FANCL: variants seen among roughly 807,000 people sequenced by gnomAD.
FANCL encodes FA complementation group L.
In FANCL, 69 loss-of-function variants were observed where a neutral mutation model predicts 59.4. The observed-to-expected ratio is 1.16, with a 90% CI of 0.96 to 1.42. FANCL has a LOEUF of 1.42. Ranked by LOEUF, FANCL falls within the 40% of genes most tolerant of loss-of-function variation. The pLI is 0.00. For synonymous variants in FANCL, 180 were observed against 147.1 expected (o/e 1.22, Z -1.62); for missense variants, 519 against 447.2 (o/e 1.16, Z -1.45).
chr2:58,217,189 TA>T (rs1438991148), intron 5 of FANCL, among the ~76,000 whole-genome samples: 15 of 4,250 alleles, frequency 3.5e-3, no homozygotes, highest in African/African-American at 0.02. Context: ...TATATATATA[TA>T]TATATATATA....
chr2:58,165,211 A>T (rs1333241738), intron 8 of FANCL, among the ~76,000 whole-genome samples: 1 of 152,104 alleles, frequency 6.6e-6, no homozygotes, highest in Non-Finnish European at 1.5e-5. Flanking sequence ...CTCATTCATA[A>T]ATTTCATATA....
At chr2:58,159,837 A>T (rs536835374) in intron 13 of FANCL, 37 bp from the exon 14 acceptor site, 4 of 1,609,326 alleles carry the variant, frequency 2.5e-6, no homozygotes, top group Non-Finnish European at 3.4e-6. Flanking sequence ...AAGTTTGTGG[A>T]CACTCTAAAA....
At position 58,165,863 on chromosome 2, in the gene FANCL, T is replaced by TA. The variant is rs779490254; in HGVS notation, c.551dup (p.Ser185LysfsTer4). 1 of 1,613,862 alleles carries TA rather than the reference T, an allele frequency of 6.2e-7. No individual in the cohort carries two copies. The stretch of plus-strand genomic sequence containing the variant: ...CTGCCAAAAACTGACTATAAATGCT[T>TA]ATTAAGGAGCTCTGTGAAAAAAATG... On this transcript the variant is annotated frameshift_variant, in exon 8 of 14. Coordinates refer to ENST00000233741, the MANE Select transcript of FANCL (RefSeq NM_018062.4). LOFTEE classifies it high-confidence loss of function.
rs374687261 is a variant in FANCL, at chr2:58,172,800, G to A, written c.541-6926C>T. On this transcript the variant is annotated intron_variant, in intron 7 of 13. Transcript: ENST00000233741. ...AAGCTGGACAGAGAATGACTTTGACGAGTTGAGAGAAGAAGGCTTCAGACC... is the reference window on the plus strand; with the variant it reads ...AAGCTGGACAGAGAATGACTTTGACAAGTTGAGAGAAGAAGGCTTCAGACC... Among the ~76,000 whole-genome samples, 20 of 152,318 alleles carry A rather than the reference G, an allele frequency of 1.3e-4. No individual in the cohort carries two copies. The East Asian group carries it at 1.4e-3, about 10-fold the overall frequency.
chr2:58,232,135 T>G, intron 1 of FANCL, 23 bp from the exon 2 acceptor site: 2 of 1,600,514 alleles, frequency 1.2e-6, no homozygotes, highest in South Asian at 2.2e-5. Flanking sequence ...TTGAAAAGGA[T>G]CACTCAAATT....
intron 4 of FANCL, 111 bp from the exon 5 acceptor site, chr2:58,222,153 C>T: frequency 1.3e-6 from 1 of 751,226 alleles, no homozygotes; most frequent in Non-Finnish European, 2.2e-6. Context: ...ATAAAAGTGC[C>T]TGTTTTTTTA....
intron 5 of FANCL, among the ~76,000 whole-genome samples, chr2:58,221,259 TATAATACACTTA>T (rs2103739097): frequency 6.6e-6 from 1 of 152,180 alleles, no homozygotes; most frequent in South Asian, 2.1e-4. Flanking sequence ...GTAGAAAGGT[TATAATACACTTA>T]ATAATAAATG....
intron 7 of FANCL, among the ~76,000 whole-genome samples, chr2:58,170,140 G>C (rs989877358): frequency 6.6e-6 from 1 of 152,144 alleles, no homozygotes; most frequent in Non-Finnish European, 1.5e-5. Flanking sequence ...CAGAGACAAA[G>C]GTTGGGTTAC....
chr2:58,200,222 A>C (rs1689861043), intron 6 of FANCL, among the ~76,000 whole-genome samples: 1 of 152,096 alleles, frequency 6.6e-6, no homozygotes, highest in African/African-American at 2.4e-5. Flanking sequence ...CTGGAAAAAC[A>C]ATTTGTATGC....
At chr2:58,237,212 T>C (rs917360145) in intron 1 of FANCL, among the ~76,000 whole-genome samples, 2 of 152,216 alleles carry the variant, frequency 1.3e-5, no homozygotes, top group African/African-American at 4.8e-5. Flanking sequence ...GGATAGACTA[T>C]ATTATTGGTC....
intron 7 of FANCL, among the ~76,000 whole-genome samples, chr2:58,170,117 T>C (rs548509922): frequency 6.6e-6 from 1 of 151,778 alleles, no homozygotes; most frequent in East Asian, 1.9e-4. Context: ...AAGGAAAAAA[T>C]GTTAAGGGCA....
intron 5 of FANCL, among the ~76,000 whole-genome samples, chr2:58,221,408 GAACTT>G (rs1692465563): frequency 6.6e-6 from 1 of 151,924 alleles, no homozygotes; most frequent in South Asian, 2.1e-4. Flanking sequence ...CACGTTTACT[GAACTT>G]AAGTTTCTTT....
chr2:58,165,952 A>T, intron 7 of FANCL, 78 bp from the exon 8 acceptor site: 2 of 1,444,784 alleles, frequency 1.4e-6, no homozygotes, highest in East Asian at 2.3e-5. Context: ...AAATACACTC[A>T]ATTTAGAAAT....
chr2:58,232,594 A>G (rs1196226694), intron 1 of FANCL, among the ~76,000 whole-genome samples: 1 of 152,128 alleles, frequency 6.6e-6, no homozygotes, highest in African/African-American at 2.4e-5. Flanking sequence ...TTAGTTACAC[A>G]ATCTATACAG....
chr2:58,181,541 T>C (rs1005198716), intron 7 of FANCL, among the ~76,000 whole-genome samples: 1 of 152,046 alleles, frequency 6.6e-6, no homozygotes, highest in Non-Finnish European at 1.5e-5. Flanking sequence ...TCTAGTTAAA[T>C]GTATGCATGC....
At chr2:58,236,622 C>T (rs1482741565) in intron 1 of FANCL, among the ~76,000 whole-genome samples, 2 of 151,922 alleles carry the variant, frequency 1.3e-5, no homozygotes, top group African/African-American at 4.8e-5. Context: ...AGATTTAAAT[C>T]CAACCATATG....
intron 3 of FANCL, among the ~76,000 whole-genome samples, chr2:58,228,940 TATAA>T (rs1435743415): frequency 3.3e-5 from 5 of 152,134 alleles, no homozygotes; most frequent in Non-Finnish European, 5.9e-5. Flanking sequence ...TAGTGTACAA[TATAA>T]ATAGTCAAAG....
chr2:58,229,748 A>T, intron 3 of FANCL, 66 bp downstream of exon 3: 1 of 1,223,116 alleles, frequency 8.2e-7, no homozygotes, highest in Non-Finnish European at 1.2e-6. Flanking sequence ...GCAGGTCTTT[A>T]AAGAACAATA....
Position 58,162,937 on chromosome 2 carries a change from T to C in FANCL, c.832A>G (p.Asn278Asp), listed in dbSNP as rs1382632356. 4 of 1,613,086 alleles carry C rather than the reference T, an allele frequency of 2.5e-6. No individual in the cohort carries two copies. In the South Asian group the frequency reaches 4.4e-5, roughly 18 times the overall value. Residue 278 changes from asparagine (N) to aspartate (D), a missense_variant, in exon 11 of 14, where the codon AAT (asparagine) becomes GAT (aspartate). By Grantham distance (23) the Asn-to-Asp change is conservative. Transcript: ENST00000233741. ...SRNIHLWDPE[N>D]SVLQNLKDVL... Reference sequence around the variant, plus strand: ...TCTTTCAAATTTTGTAACACACTATTTTCTGGATCCCTGAAAGCATGGGGA... The same window carrying C: ...TCTTTCAAATTTTGTAACACACTATCTTCTGGATCCCTGAAAGCATGGGGA...
Sources: gnomAD v4.1 joint callset for allele counts (sites outside exome capture counted in the v4.1 genomes callset) on GRCh38, gnomAD v4.1.1 for gene constraint, MANE v1.5 for transcripts, NCBI Gene and HGNC (gene_info 2026-07-23, HGNC 2026-07-21) for gene names.